Variants in EPHA6 observed in about 807,000 individuals in gnomAD.
EPHA6 encodes ephrin type-A receptor 6.
A neutral mutation model predicts 112.0 loss-of-function variants in EPHA6; 50 were observed. The observed-to-expected ratio is 0.45, with a 90% CI of 0.36 to 0.56. The LOEUF is 0.56. EPHA6 is among the 20% of genes least tolerant of loss of function. EPHA6 has a pLI of 0.00. For missense variants in EPHA6, 1,280 were observed against 1,417.4 expected (o/e 0.90, Z 1.56); for synonymous variants, 529 against 490.7 (o/e 1.08, Z -1.03).
chr3:97,130,110 G>A (rs146131851), intron 3 of EPHA6, among the ~76,000 whole-genome samples: 14 of 152,082 alleles, frequency 9.2e-5, no homozygotes, highest in African/African-American at 3.1e-4. Flanking sequence ...GCATTTTGTT[G>A]ATAAAATTAT....
chr3:97,568,620 C>T lies in EPHA6; in HGVS notation c.2387-23992C>T, dbSNP rs555229662. 5.9e-5 allele frequency among the ~76,000 whole-genome samples: 9 copies of T among 152,326 alleles called. No homozygotes were observed. The South Asian group carries it at 8.3e-4, about 14-fold the overall frequency. ...TTTCTTTCCCAGTGGTAAACTATTG[C>T]CCTTTTTAGGTTTAATCAAGACTTT... On this transcript the variant is annotated intron_variant, in intron 11 of 17. Transcript: ENST00000389672.
At chr3:97,619,666 A>G (rs886279881) in intron 13 of EPHA6, among the ~76,000 whole-genome samples, 1 of 152,076 alleles carries the variant, frequency 6.6e-6, no homozygotes, top group East Asian at 1.9e-4. Context: ...CAAATTCACA[A>G]TTGCCACAAA....
At chr3:97,508,464 G>A (rs1045511143) in intron 10 of EPHA6, among the ~76,000 whole-genome samples, 1 of 152,160 alleles carries the variant, frequency 6.6e-6, no homozygotes, top group Non-Finnish European at 1.5e-5. Context: ...CCATGTAGTT[G>A]TGCAGTTTTG....
chr3:97,674,524 T>C (rs1014464438), intron 14 of EPHA6, among the ~76,000 whole-genome samples: 4 of 152,208 alleles, frequency 2.6e-5, no homozygotes, highest in African/African-American at 9.6e-5. Flanking sequence ...AAACAAATAT[T>C]CTCTAGACAG....
At chr3:97,097,559 TA>T (rs891475771) in intron 3 of EPHA6, among the ~76,000 whole-genome samples, 6 of 151,798 alleles carry the variant, frequency 4.0e-5, no homozygotes, top group African/African-American at 1.4e-4. Flanking sequence ...CTTTTTTTTT[TA>T]AATGGAATAA....
At chr3:97,375,840 T>G (rs1000005818) in intron 5 of EPHA6, among the ~76,000 whole-genome samples, 2 of 152,114 alleles carry the variant, frequency 1.3e-5, no homozygotes, top group African/African-American at 4.8e-5. Flanking sequence ...GACTACACAC[T>G]CTATGATTCA....
In EPHA6 at chr3:97,298,875, A is replaced by G. The variant is rs573727212; in HGVS notation, c.1606+54588A>G. On this transcript the variant is annotated intron_variant, in intron 5 of 17. Coordinates refer to ENST00000389672, the MANE Select transcript of EPHA6 (RefSeq NM_001080448.3). ...AATGTCAAGAAAGAAAATAATCATT[A>G]ATCTACTCCTAATAAATATATAGGA... Among the ~76,000 whole-genome samples, 16 of 152,256 alleles carry G rather than the reference A, an allele frequency of 1.1e-4. No homozygotes were observed. The South Asian group carries it at 3.1e-3, about 30-fold the overall frequency.
At chr3:96,887,865 A>G (rs1368854561) in intron 2 of EPHA6, among the ~76,000 whole-genome samples, 1 of 151,948 alleles carries the variant, frequency 6.6e-6, no homozygotes, top group Non-Finnish European at 1.5e-5. Context: ...GTTATCAGGG[A>G]AGTGGGGGAA....
chr3:97,676,605 G>A (rs566809811), intron 14 of EPHA6, among the ~76,000 whole-genome samples: 1 of 152,292 alleles, frequency 6.6e-6, no homozygotes, highest in South Asian at 2.1e-4. Flanking sequence ...AAAGGCTTGT[G>A]TCCAGGGGAA....
chr3:97,157,671 A>G (rs1576588763), intron 3 of EPHA6, among the ~76,000 whole-genome samples: 1 of 152,172 alleles, frequency 6.6e-6, no homozygotes, highest in Non-Finnish European at 1.5e-5. Context: ...CAGAAGGCTC[A>G]AGACCCGAGA....
intron 10 of EPHA6, among the ~76,000 whole-genome samples, chr3:97,525,903 G>A (rs535767402): frequency 1.3e-5 from 2 of 152,138 alleles, no homozygotes; most frequent in African/African-American, 4.8e-5. Context: ...TTTTCCACGT[G>A]CAATGATGGA....
At chr3:97,005,933 A>G (rs943567068) in intron 3 of EPHA6, among the ~76,000 whole-genome samples, 6 of 152,154 alleles carry the variant, frequency 3.9e-5, no homozygotes, top group Non-Finnish European at 8.8e-5. Flanking sequence ...CGATTTGGGT[A>G]TGTTGAACCA....
chr3:97,740,209 CT>C (rs1253047521), intron 16 of EPHA6, among the ~76,000 whole-genome samples: 2 of 152,120 alleles, frequency 1.3e-5, no homozygotes, highest in African/African-American at 4.8e-5. Context: ...ACCCTCGCCC[CT>C]GATTACTCCA....
At chr3:97,202,951 G>A (rs1046010932) in intron 3 of EPHA6, among the ~76,000 whole-genome samples, 18 of 152,202 alleles carry the variant, frequency 1.2e-4, no homozygotes, top group South Asian at 2.1e-4. Flanking sequence ...TATCTTTGGG[G>A]TAATCCAGAA....
At chr3:96,973,091 T>C (rs1352734770) in intron 2 of EPHA6, among the ~76,000 whole-genome samples, 3 of 152,228 alleles carry the variant, frequency 2.0e-5, no homozygotes, top group Admixed American at 6.5e-5. Context: ...TCTGACTTTC[T>C]ATACCCAAAA....
chr3:96,965,502 T>C (rs2042093258), intron 2 of EPHA6, among the ~76,000 whole-genome samples: 1 of 152,108 alleles, frequency 6.6e-6, no homozygotes, highest in African/African-American at 2.4e-5. Context: ...CTGAGTATTT[T>C]AAAAAATTGG....
At chr3:97,496,952 T>G (rs2091995525) in intron 10 of EPHA6, among the ~76,000 whole-genome samples, 1 of 152,112 alleles carries the variant, frequency 6.6e-6, no homozygotes, top group African/African-American at 2.4e-5. Context: ...GCATGTCAAT[T>G]TATCATCATT....
intron 1 of EPHA6, among the ~76,000 whole-genome samples, chr3:96,850,414 A>C (rs1444033952): frequency 6.6e-6 from 1 of 152,146 alleles, no homozygotes; most frequent in Admixed American, 6.6e-5. Flanking sequence ...AGAAGCCTTT[A>C]GAAAGGGTAC....
In EPHA6 at chr3:97,647,905, A is replaced by C. The variant is rs565393671; in HGVS notation, c.2784+9823A>C. On this transcript the variant is annotated intron_variant, in intron 14 of 17. Coordinates refer to ENST00000389672, the MANE Select transcript of EPHA6 (RefSeq NM_001080448.3). ...TATGGAAATGAGATCCTATTTACCT[A>C]AAAAGAACATTAAAAGATATATTAT... 2.0e-5 allele frequency among the ~76,000 whole-genome samples: 3 copies of C among 152,254 alleles called. No homozygotes were observed. The South Asian group carries it at 6.2e-4, about 32-fold the overall frequency.
Sources: allele counts gnomAD v4.1 joint callset (sites outside exome capture counted in the v4.1 genomes callset), GRCh38; gene constraint gnomAD v4.1.1; transcripts MANE v1.5; gene names NCBI Gene and HGNC (gene_info 2026-07-23, HGNC 2026-07-21).